Variants in AGBL1 observed in about 807,000 individuals in gnomAD.
AGBL1 encodes AGBL carboxypeptidase 1.
A neutral mutation model predicts 118.9 loss-of-function variants in AGBL1; 130 were observed. That is an observed-to-expected ratio of 1.09 (90% CI 0.95 to 1.26). AGBL1 has a LOEUF of 1.26. AGBL1 is among the 50% of genes most tolerant of loss of function. The probability of loss-of-function intolerance (pLI) is 0.00; values close to 1 mark genes in which losing one functional copy is unlikely to be tolerated. For synonymous variants in AGBL1, 555 were observed against 478.9 expected (o/e 1.16, Z -2.08); for missense variants, 1,584 against 1,298.1 (o/e 1.22, Z -3.38).
chr15:86,969,480 C>T (rs1241322113), intron 23 of AGBL1, among the ~76,000 whole-genome samples: 1 of 151,778 alleles, frequency 6.6e-6, no homozygotes, highest in African/African-American at 2.4e-5. Flanking sequence ...AGTGAGGATA[C>T]ATGCATATGT....
intron 21 of AGBL1, among the ~76,000 whole-genome samples, chr15:86,608,677 A>G (rs1215013848): frequency 6.6e-6 from 1 of 152,170 alleles, no homozygotes; most frequent in Non-Finnish European, 1.5e-5. Context: ...ACGGCAGCAT[A>G]CCGGAGAACT....
intron 17 of AGBL1, among the ~76,000 whole-genome samples, chr15:86,396,247 A>G (rs200791864): frequency 0.018 from 2,555 of 141,884 alleles, 82 homozygotes; most frequent in African/African-American, 0.058. Context: ...GTGTGTGTAT[A>G]TATATATATA....
chr15:86,196,879 GCACACACACACACACACA>G (rs59632011), intron 5 of AGBL1, among the ~76,000 whole-genome samples: 58 of 117,014 alleles, frequency 5.0e-4, no homozygotes, highest in East Asian at 4.8e-3. Context: ...GCGCGCGCGC[GCACACACACACACACACA>G]CACACACACA....
Position 86,241,297 on chromosome 15 carries a change from A to G in AGBL1, c.527-6374A>G, listed in dbSNP as rs553002988. ...ATTTGGATGCCATCTTTGTAGGGAA[A>G]GGAATGATCATTTATTGAGCACATA... On this transcript the variant is annotated intron_variant, in intron 6 of 22. Coordinates refer to ENST00000614907, the MANE Select transcript of AGBL1 (RefSeq NM_001386094.1). Among the ~76,000 whole-genome samples, 23 of 152,354 alleles carry G rather than the reference A, an allele frequency of 1.5e-4. No individual in the cohort carries two copies. In the South Asian group the frequency reaches 2.3e-3, roughly 15 times the overall value.
intron 1 of AGBL1, among the ~76,000 whole-genome samples, chr15:86,134,652 C>T (rs932792555): frequency 1.3e-4 from 16 of 126,786 alleles, no homozygotes; most frequent in South Asian, 2.7e-4. Context: ...CTCACTCTGT[C>T]GCCCAGGCTG....
chr15:86,082,468 A>C (rs561045310), intron 1 of AGBL1, among the ~76,000 whole-genome samples: 1 of 152,356 alleles, frequency 6.6e-6, no homozygotes, highest in South Asian at 2.1e-4. Context: ...CATGTCTTTT[A>C]GGAGTGCCCC....
intron 17 of AGBL1, among the ~76,000 whole-genome samples, chr15:86,366,806 G>T (rs78007292): frequency 3.3e-5 from 5 of 151,900 alleles, no homozygotes; most frequent in Non-Finnish European, 5.9e-5. Context: ...TATGATCTTG[G>T]GGGGAAAAAG....
chr15:86,645,464 A>G lies in AGBL1; in HGVS notation c.2995-28809A>G, dbSNP rs146483307. Among the ~76,000 whole-genome samples, 257 of 152,238 alleles carry G rather than the reference A, an allele frequency of 1.7e-3. 4 individuals carry two copies. In the East Asian group the frequency reaches 0.021, roughly 12 times the overall value. ...CTAATTTTTAATAACTGAGCAGTAG[A>G]TTTTCTGTTGTGATTTTATTTAGCA... On this transcript the variant is annotated intron_variant, in intron 21 of 22. Coordinates refer to ENST00000614907, the MANE Select transcript of AGBL1 (RefSeq NM_001386094.1).
chr15:86,653,619 T>G (rs1180586766), intron 21 of AGBL1, among the ~76,000 whole-genome samples: 10 of 152,254 alleles, frequency 6.6e-5, no homozygotes, highest in African/African-American at 2.4e-4. Flanking sequence ...TTATTGTTCC[T>G]AATGGGTTGA....
chr15:86,611,994 T>C (rs2084663412), intron 21 of AGBL1, among the ~76,000 whole-genome samples: 1 of 152,170 alleles, frequency 6.6e-6, no homozygotes, highest in African/African-American at 2.4e-5. Context: ...CCTTTTGTTT[T>C]GAGCCCAGTT....
chr15:86,127,551 CCGAGGG>C (rs2076762813), intron 1 of AGBL1, among the ~76,000 whole-genome samples: 1 of 151,232 alleles, frequency 6.6e-6, no homozygotes, highest in Admixed American at 6.6e-5. Context: ...GGCCACGTGG[CCGAGGG>C]CACGTGGGAA....
intron 22 of AGBL1, among the ~76,000 whole-genome samples, chr15:86,840,527 C>A (rs754330700): frequency 1.3e-5 from 2 of 152,170 alleles, no homozygotes; most frequent in East Asian, 1.9e-4. Flanking sequence ...CTCACTGCAA[C>A]CTCCGCCTCC....
At chr15:86,617,334 G>A (rs2046894149) in intron 21 of AGBL1, among the ~76,000 whole-genome samples, 1 of 152,228 alleles carries the variant, frequency 6.6e-6, no homozygotes, top group East Asian at 1.9e-4. Context: ...CTGCTGTAAG[G>A]ACTAGACACA....
rs1360213607 is a variant in AGBL1 at position 86,215,217 on chromosome 15, A to ATGTGTGTGTGTGTGTG, written c.489-9694_489-9693insGTGTGTGTGTGTGTGT. ...GCTCTGTGTGTGTGTGTGAGTGTAT[A>ATGTGTGTGTGTGTGTG]TGTATGCGTGTGTGTGTGTGTGTGT... On this transcript the variant is annotated intron_variant, in intron 5 of 22. Transcript: ENST00000614907. Among the ~76,000 whole-genome samples the ATGTGTGTGTGTGTGTG allele has an allele frequency of 3.4e-4, 44 of 128,280 alleles. No individual in the cohort carries two copies. The East Asian group carries it at 4.2e-3, about 12-fold the overall frequency. 84.2% of individuals were successfully genotyped at this position (128,280 alleles called of 152,430 possible).
At chr15:86,973,037 C>T (rs1337412306) in intron 23 of AGBL1, among the ~76,000 whole-genome samples, 1 of 151,834 alleles carries the variant, frequency 6.6e-6, no homozygotes, top group Non-Finnish European at 1.5e-5. Flanking sequence ...GGTTGTGTGA[C>T]CTTTGGTGAA....
At chr15:86,349,951 T>G (rs2080599655) in intron 17 of AGBL1, among the ~76,000 whole-genome samples, 1 of 152,216 alleles carries the variant, frequency 6.6e-6, no homozygotes, top group Non-Finnish European at 1.5e-5. Flanking sequence ...AGAATTGTTG[T>G]GAAGATCAAG....
chr15:86,847,434 T>C (rs1169084358), intron 22 of AGBL1, among the ~76,000 whole-genome samples: 1 of 152,250 alleles, frequency 6.6e-6, no homozygotes, highest in East Asian at 1.9e-4. Flanking sequence ...TGCTTTTGTT[T>C]TGTTTTTTGG....
At chr15:86,699,541 T>C (rs1018331676) in intron 22 of AGBL1, among the ~76,000 whole-genome samples, 1 of 148,018 alleles carries the variant, frequency 6.8e-6, no homozygotes. Context: ...TGATCTTTCT[T>C]GGCCTTTCAT....
At chr15:86,925,966 G>T (rs1179517873) in intron 23 of AGBL1, among the ~76,000 whole-genome samples, 1 of 152,054 alleles carries the variant, frequency 6.6e-6, no homozygotes, top group Non-Finnish European at 1.5e-5. Flanking sequence ...TCCTGACCTT[G>T]TGATTCACCC....
Sources: allele counts gnomAD v4.1 joint callset (sites outside exome capture counted in the v4.1 genomes callset), GRCh38; gene constraint gnomAD v4.1.1; transcripts MANE v1.5; gene names NCBI Gene and HGNC (gene_info 2026-07-23, HGNC 2026-07-21).